The following TBC1D8 variants were observed in gnomAD, a reference collection of about 807,000 sequenced individuals.
TBC1D8 encodes the protein TBC1 domain family member 8.
A neutral mutation model predicts 118.8 loss-of-function variants in TBC1D8; 65 were observed. That is an observed-to-expected ratio of 0.55 (90% CI 0.45 to 0.67). The LOEUF (loss-of-function observed/expected upper bound fraction) is 0.67, where lower values mean the gene tolerates loss of function less well. TBC1D8 is among the 30% of genes least tolerant of loss of function. TBC1D8 has a pLI of 0.00. For synonymous variants in TBC1D8, 566 were observed against 595.8 expected (o/e 0.95, Z 0.73); for missense variants, 1,376 against 1,471.2 (o/e 0.94, Z 1.06).
chr2:101,113,714 C>T (rs1044527225), intron 1 of TBC1D8, among the ~76,000 whole-genome samples: 26 of 152,238 alleles, frequency 1.7e-4, no homozygotes, highest in Admixed American at 4.6e-4. Context: ...AATAAGACAA[C>T]GCAAGAGTGC....
chr2:101,127,469 C>T (rs570930057), intron 1 of TBC1D8, among the ~76,000 whole-genome samples: 1 of 152,104 alleles, frequency 6.6e-6, no homozygotes, highest in East Asian at 1.9e-4. Context: ...GATGGGTCTA[C>T]CACGTGTAGA....
intron 1 of TBC1D8, among the ~76,000 whole-genome samples, chr2:101,108,317 A>G (rs1677358436): frequency 6.6e-6 from 1 of 152,216 alleles, no homozygotes; most frequent in African/African-American, 2.4e-5. Context: ...TCCCAGCCAC[A>G]TTGACAACTA....
chr2:101,031,628 A>G (rs1433384354), intron 11 of TBC1D8, among the ~76,000 whole-genome samples: 1 of 152,194 alleles, frequency 6.6e-6, no homozygotes, highest in African/African-American at 2.4e-5. Context: ...GCACACATTT[A>G]AATCTCAACC....
intron 7 of TBC1D8, 90 bp from the exon 8 acceptor site, chr2:101,037,798 G>C: frequency 6.6e-7 from 1 of 1,519,168 alleles, no homozygotes; most frequent in Non-Finnish European, 9.0e-7. Context: ...TTTGCCTTTG[G>C]ATGCACGGGC....
chr2:101,058,506 T>A (rs1373323253), intron 3 of TBC1D8, among the ~76,000 whole-genome samples: 1 of 152,058 alleles, frequency 6.6e-6, no homozygotes, highest in Non-Finnish European at 1.5e-5. Flanking sequence ...AGAAACCATC[T>A]CTCCCAACCC....
At chr2:101,128,032 C>T (rs1309520473) in intron 1 of TBC1D8, among the ~76,000 whole-genome samples, 1 of 152,170 alleles carries the variant, frequency 6.6e-6, no homozygotes, top group African/African-American at 2.4e-5. Flanking sequence ...TATTAACTCC[C>T]TTTCACAAAA....
Position 101,112,995 on chromosome 2 carries a change from C to A in TBC1D8, c.128-22631G>T, listed in dbSNP as rs76859220. Reference sequence around the variant, plus strand: ...TAACAGCCCAGCGCACTCTGATACCCGTGCAGGCTGTAACACAAGACTTCC... The same window carrying A: ...TAACAGCCCAGCGCACTCTGATACCAGTGCAGGCTGTAACACAAGACTTCC... On this transcript the variant is annotated intron_variant, in intron 1 of 19. Coordinates refer to ENST00000409318, the MANE Select transcript of TBC1D8 (RefSeq NM_001330348.2). Among the ~76,000 whole-genome samples the A allele has an allele frequency of 3.1e-3, 472 of 152,216 alleles. 3 individuals are homozygous for A. The highest frequency in any genetic ancestry group is 0.011 in the African/African-American group (457 of 41,520).
At position 101,047,284 on chromosome 2, in the gene TBC1D8, C is replaced by T. The variant is rs116021855; in HGVS notation, c.872+3117G>A. On this transcript the variant is annotated intron_variant, in intron 5 of 19. Transcript: ENST00000409318. ...TCCCTGCTCCCAGGGGAGCTACGAG[C>T]GGCTCCGCACTGTGGCCATAAGTCC... Among the ~76,000 whole-genome samples the T allele has an allele frequency of 4.8e-3, 732 of 152,338 alleles. 12 individuals are homozygous for T. The highest frequency in any genetic ancestry group is 0.017 in the African/African-American group (698 of 41,588).
chr2:101,041,674 T>C (rs1681394384), intron 5 of TBC1D8, among the ~76,000 whole-genome samples: 1 of 152,074 alleles, frequency 6.6e-6, no homozygotes, highest in South Asian at 2.1e-4. Context: ...TGGTACACTT[T>C]TAAAGGATGG....
chr2:101,031,682 A>AAGTT (rs1680678460), intron 11 of TBC1D8, among the ~76,000 whole-genome samples: 1 of 152,148 alleles, frequency 6.6e-6, no homozygotes, highest in Non-Finnish European at 1.5e-5. Flanking sequence ...GCAAGGCCAC[A>AAGTT]AGTTACCCAG....
chr2:101,127,206 G>C (rs1678393321), intron 1 of TBC1D8, among the ~76,000 whole-genome samples: 1 of 152,092 alleles, frequency 6.6e-6, no homozygotes, highest in Non-Finnish European at 1.5e-5. Flanking sequence ...CGTGGTGGCA[G>C]GTGCCTGTAA....
At chr2:101,096,443 A>AAAC (rs1676445037) in intron 1 of TBC1D8, among the ~76,000 whole-genome samples, 8 of 131,536 alleles carry the variant, frequency 6.1e-5, no homozygotes, top group African/African-American at 1.6e-4. Context: ...AAAAAAAAAA[A>AAAC]AAAACTATAA....
At chr2:101,033,929 C>T (rs766395866) in intron 9 of TBC1D8, among the ~76,000 whole-genome samples, 171 bp from the exon 10 acceptor site, 8 of 152,028 alleles carry the variant, frequency 5.3e-5, no homozygotes, top group Non-Finnish European at 1.0e-4. Flanking sequence ...TTTGGGAGGC[C>T]GAGGCGGGTG....
chr2:101,111,511 G>A lies in TBC1D8; in HGVS notation c.128-21147C>T, dbSNP rs116453688. On this transcript the variant is annotated intron_variant, in intron 1 of 19. Coordinates refer to ENST00000409318, the MANE Select transcript of TBC1D8 (RefSeq NM_001330348.2). ...AGCATTTCAAGGGCATTGCAAGGGA[G>A]GGATGCTGGCCCTCGTTCTCAAGAA... Among the ~76,000 whole-genome samples, 1,036 of 152,324 alleles carry A rather than the reference G, an allele frequency of 6.8e-3. 15 individuals carry two copies. Among genetic ancestry groups the A allele is most frequent in the African/African-American group, 0.024 (986 of 41,556 alleles).
At chr2:101,059,034 T>C (rs933917843) in intron 3 of TBC1D8, among the ~76,000 whole-genome samples, 4 of 151,854 alleles carry the variant, frequency 2.6e-5, no homozygotes, top group African/African-American at 9.7e-5. Context: ...GCCTCCCGAG[T>C]AGCTGGACTA....
chr2:101,009,367 C>G (rs1160503534), intron 19 of TBC1D8, among the ~76,000 whole-genome samples: 1 of 149,280 alleles, frequency 6.7e-6, no homozygotes, highest in Non-Finnish European at 1.5e-5. Context: ...GATCGTGCCA[C>G]TGCACTCTAG....
At chr2:101,066,077 T>C (rs1032288109) in intron 2 of TBC1D8, among the ~76,000 whole-genome samples, 2 of 152,086 alleles carry the variant, frequency 1.3e-5, no homozygotes, top group African/African-American at 2.4e-5. Context: ...ATCAGGAGTT[T>C]GAGACCAGCC....
intron 15 of TBC1D8, 76 bp downstream of exon 15, chr2:101,027,307 T>TC: frequency 7.3e-7 from 1 of 1,365,280 alleles, no homozygotes; most frequent in Non-Finnish European, 1.0e-6. Flanking sequence ...CTGCATGCTG[T>TC]CCCCTGGGCA....
chr2:101,112,709 C>T (rs1156283663), intron 1 of TBC1D8, among the ~76,000 whole-genome samples: 1 of 152,198 alleles, frequency 6.6e-6, no homozygotes, highest in Non-Finnish European at 1.5e-5. Context: ...CTGATGGTTC[C>T]AACTTTGTGT....
Sources: allele counts gnomAD v4.1 joint callset (sites outside exome capture counted in the v4.1 genomes callset), GRCh38; gene constraint gnomAD v4.1.1; transcripts MANE v1.5; gene names NCBI Gene and HGNC (gene_info 2026-07-23, HGNC 2026-07-21).